Variants in HS3ST4 observed in about 807,000 individuals in gnomAD.
The protein encoded by HS3ST4 is heparan sulfate-glucosamine 3-sulfotransferase 4.
Under a neutral mutation model 29.2 loss-of-function variants are expected in HS3ST4, and 17 were observed. The ratio of observed to expected loss-of-function variants is 0.58; its 90% CI spans 0.40 to 0.87. HS3ST4 has a LOEUF of 0.87. HS3ST4 is among the 40% of genes least tolerant of loss of function. The probability of loss-of-function intolerance (pLI) is 0.00; values close to 1 mark genes in which losing one functional copy is unlikely to be tolerated. For missense variants in HS3ST4, 627 were observed against 634.5 expected, an observed-to-expected ratio of 0.99 and a Z score of 0.13; for synonymous variants, 314 against 285.7, an observed-to-expected ratio of 1.10 and a Z score of -1.00.
intron 1 of HS3ST4, among the ~76,000 whole-genome samples, chr16:25,817,205 G>A (rs947570920): frequency 1.3e-5 from 2 of 152,148 alleles, no homozygotes; most frequent in South Asian, 2.1e-4. Flanking sequence ...TTGCCCAATG[G>A]GGCTGTTGAT....
intron 1 of HS3ST4, among the ~76,000 whole-genome samples, chr16:25,857,117 G>A (rs1278464300): frequency 6.6e-6 from 1 of 152,074 alleles, no homozygotes; most frequent in African/African-American, 2.4e-5. Flanking sequence ...TAAGTCTGGG[G>A]GCCTTAGGAG....
At chr16:25,720,513 G>T (rs370368892) in intron 1 of HS3ST4, among the ~76,000 whole-genome samples, 2 of 152,156 alleles carry the variant, frequency 1.3e-5, no homozygotes, top group African/African-American at 4.8e-5. Context: ...GTTTGGACTG[G>T]CTGGTGAGCA....
At chr16:26,039,048 C>T (rs543825368) in intron 1 of HS3ST4, among the ~76,000 whole-genome samples, 2 of 152,258 alleles carry the variant, frequency 1.3e-5, no homozygotes, top group Non-Finnish European at 2.9e-5. Context: ...TAAGGCAACA[C>T]TTTTTACTTT....
rs572818489 is a variant in HS3ST4 at position 25,965,187 on chromosome 16, T to C, written c.735-170425T>C. On this transcript the variant is annotated intron_variant, in intron 1 of 1. Coordinates refer to ENST00000331351, the MANE Select transcript of HS3ST4 (RefSeq NM_006040.3). Reference sequence around the variant, plus strand: ...ACCCTACAGTCTCTAAACATCTGGTTCCTTTCAGGGAAGGTGTAGGCAGAG... The same window carrying C: ...ACCCTACAGTCTCTAAACATCTGGTCCCTTTCAGGGAAGGTGTAGGCAGAG... Among the ~76,000 whole-genome samples, 10 of 152,144 alleles carry C rather than the reference T, an allele frequency of 6.6e-5. No homozygotes were observed. The South Asian group carries it at 2.1e-3, about 32-fold the overall frequency.
intron 1 of HS3ST4, among the ~76,000 whole-genome samples, chr16:25,857,811 G>C (rs113297519): frequency 6.6e-6 from 1 of 152,024 alleles, no homozygotes; most frequent in Non-Finnish European, 1.5e-5. Context: ...TACTCATAGC[G>C]TGAAAGCATT....
At position 26,128,487 on chromosome 16, in the gene HS3ST4, T is replaced by A. The variant is rs1290399882; in HGVS notation, c.735-7125T>A. ...CCATAACTCAGGATTCCTTCTTTCT[T>A]GGCTGCAATTTTACTGAAAGCCCTA... On this transcript the variant is annotated intron_variant, in intron 1 of 1. Coordinates refer to ENST00000331351, the MANE Select transcript of HS3ST4 (RefSeq NM_006040.3). Among the ~76,000 whole-genome samples, 5 of 152,338 alleles carry A rather than the reference T, an allele frequency of 3.3e-5. 1 individual carries two copies. In the South Asian group the frequency reaches 1.0e-3, roughly 32 times the overall value.
intron 1 of HS3ST4, among the ~76,000 whole-genome samples, chr16:25,716,139 G>A (rs1966452662): frequency 6.6e-6 from 1 of 152,202 alleles, no homozygotes; most frequent in South Asian, 2.1e-4. Flanking sequence ...AACAAGATGA[G>A]TTGCTGTGGA....
At chr16:25,812,376 C>G (rs58915036) in intron 1 of HS3ST4, among the ~76,000 whole-genome samples, 1 of 152,308 alleles carries the variant, frequency 6.6e-6, no homozygotes, top group East Asian at 1.9e-4. Flanking sequence ...AAACACTGTA[C>G]GTGTCCTTCC....
At chr16:26,076,496 A>G (rs968409019) in intron 1 of HS3ST4, among the ~76,000 whole-genome samples, 4 of 152,234 alleles carry the variant, frequency 2.6e-5, no homozygotes, top group South Asian at 2.1e-4. Context: ...ACCCCAGCCA[A>G]TGAGCATAAG....
At chr16:25,708,511 T>C (rs1310186471) in intron 1 of HS3ST4, among the ~76,000 whole-genome samples, 2 of 152,236 alleles carry the variant, frequency 1.3e-5, no homozygotes, top group Admixed American at 6.5e-5. Context: ...TTCTTATGAC[T>C]ATCTAAATAT....
At chr16:26,116,317 A>G (rs11641061) in intron 1 of HS3ST4, among the ~76,000 whole-genome samples, 22,355 of 152,226 alleles carry the variant, frequency 0.15, 2,110 homozygotes, top group Non-Finnish European at 0.21. Context: ...TGGAAGTTAC[A>G]ATTTTGTGTT....
chr16:25,988,339 G>C (rs759312497), intron 1 of HS3ST4, among the ~76,000 whole-genome samples: 2 of 152,152 alleles, frequency 1.3e-5, no homozygotes, highest in African/African-American at 2.4e-5. Flanking sequence ...CTCCTCCTAG[G>C]CTGTACCTCC....
At chr16:25,924,304 C>T (rs1968382642) in intron 1 of HS3ST4, among the ~76,000 whole-genome samples, 1 of 152,146 alleles carries the variant, frequency 6.6e-6, no homozygotes, top group African/African-American at 2.4e-5. Context: ...TCTACTGATA[C>T]CACTCTAGCT....
intron 1 of HS3ST4, among the ~76,000 whole-genome samples, chr16:25,969,970 T>C (rs1968880171): frequency 6.6e-6 from 1 of 152,214 alleles, no homozygotes; most frequent in Non-Finnish European, 1.5e-5. Flanking sequence ...CAAACACGAA[T>C]GCTGCTCCTA....
At chr16:26,102,157 TA>T (rs957960685) in intron 1 of HS3ST4, among the ~76,000 whole-genome samples, 2 of 151,744 alleles carry the variant, frequency 1.3e-5, no homozygotes, top group African/African-American at 2.4e-5. Context: ...AGGGTCAATA[TA>T]AAAAAAACAC....
chr16:25,763,098 C>A (rs1187178044), intron 1 of HS3ST4, among the ~76,000 whole-genome samples: 1 of 152,052 alleles, frequency 6.6e-6, no homozygotes, highest in African/African-American at 2.4e-5. Flanking sequence ...TCCCCTCTGG[C>A]AGCTGCACTA....
chr16:25,942,680 G>A (rs551570826), intron 1 of HS3ST4, among the ~76,000 whole-genome samples: 1 of 150,038 alleles, frequency 6.7e-6, no homozygotes, highest in South Asian at 2.1e-4. Context: ...GTGCAGTGGT[G>A]TGATTGTGGC....
chr16:25,774,862 C>A (rs1966846157), intron 1 of HS3ST4, among the ~76,000 whole-genome samples: 1 of 152,216 alleles, frequency 6.6e-6, no homozygotes, highest in Non-Finnish European at 1.5e-5. Context: ...ACTCTTCACC[C>A]ACTGTCCCTG....
chr16:26,110,483 T>C (rs1369914243), intron 1 of HS3ST4, among the ~76,000 whole-genome samples: 2 of 152,222 alleles, frequency 1.3e-5, no homozygotes, highest in African/African-American at 4.8e-5. Context: ...AAATATTTTA[T>C]TCTTCCAGTT....
Sources: gnomAD v4.1 joint callset for allele counts (sites outside exome capture counted in the v4.1 genomes callset) on GRCh38, gnomAD v4.1.1 for gene constraint, MANE v1.5 for transcripts, NCBI Gene and HGNC (gene_info 2026-07-23, HGNC 2026-07-21) for gene names.